Variants in SORBS2 observed in about 807,000 individuals in gnomAD.
SORBS2 encodes sorbin and SH3 domain-containing protein 2.
SORBS2 carries 46 observed loss-of-function variants against 97.7 expected under a neutral mutation model. The ratio of observed to expected loss-of-function variants is 0.47; its 90% CI spans 0.37 to 0.60. SORBS2 has a LOEUF of 0.60. SORBS2 is among the 20% of genes least tolerant of loss of function. SORBS2 has a pLI of 0.00. For synonymous variants in SORBS2, 476 were observed against 473.4 expected (o/e 1.01, Z -0.07); for missense variants, 1,316 against 1,282.3 (o/e 1.03, Z -0.40).
At chr4:185,732,742 G>A (rs2098651926) in intron 2 of SORBS2, among the ~76,000 whole-genome samples, 1 of 152,204 alleles carries the variant, frequency 6.6e-6, no homozygotes, top group African/African-American at 2.4e-5. Context: ...CCCCAAAAAG[G>A]TATGTTGAAG....
At chr4:185,927,061 A>G (rs1485473079) in intron 1 of SORBS2, among the ~76,000 whole-genome samples, 1 of 150,904 alleles carries the variant, frequency 6.6e-6, no homozygotes, top group African/African-American at 2.4e-5. Context: ...TATATGAAAT[A>G]TGATACCACA....
intron 1 of SORBS2, among the ~76,000 whole-genome samples, chr4:185,839,452 C>T (rs1471936181): frequency 6.6e-6 from 1 of 152,116 alleles, no homozygotes; most frequent in Non-Finnish European, 1.5e-5. Context: ...GGGGTCGGTC[C>T]AGTAGGAGGG....
At chr4:185,674,282 C>G (rs1378670456) in intron 4 of SORBS2, among the ~76,000 whole-genome samples, 1 of 152,228 alleles carries the variant, frequency 6.6e-6, no homozygotes, top group African/African-American at 2.4e-5. Flanking sequence ...GCGATGCTAT[C>G]TTCCAGTTGG....
chr4:185,666,341 G>A (rs73876138), intron 4 of SORBS2: 11,471 of 393,076 alleles, frequency 0.029, 199 homozygotes, highest in African/African-American at 0.034. Flanking sequence ...GATGGGTTAG[G>A]TGCCAACCAC....
At chr4:185,784,055 G>A (rs2099044074) in intron 1 of SORBS2, among the ~76,000 whole-genome samples, 1 of 152,184 alleles carries the variant, frequency 6.6e-6, no homozygotes, top group South Asian at 2.1e-4. Context: ...TGACCAATAA[G>A]CTAAAGGCAA....
intron 1 of SORBS2, among the ~76,000 whole-genome samples, chr4:185,809,580 C>T (rs148193298): frequency 1.9e-3 from 289 of 149,816 alleles, no homozygotes; most frequent in African/African-American, 7.0e-3. Flanking sequence ...TAGCCATAAG[C>T]GAAAGTGCAA....
At chr4:185,949,098 A>T (rs757648628) in intron 1 of SORBS2, among the ~76,000 whole-genome samples, 1 of 152,098 alleles carries the variant, frequency 6.6e-6, no homozygotes, top group African/African-American at 2.4e-5. Context: ...GGGGTTGGGG[A>T]GAGATGCTGT....
intron 1 of SORBS2, among the ~76,000 whole-genome samples, chr4:185,827,329 A>G (rs867693542): frequency 1.7e-3 from 18 of 10,530 alleles, no homozygotes; most frequent in Non-Finnish European, 2.1e-3. Context: ...CACCATCATC[A>G]TCATCATCAT....
At chr4:185,929,330 A>G (rs2099265287) in intron 1 of SORBS2, among the ~76,000 whole-genome samples, 1 of 152,178 alleles carries the variant, frequency 6.6e-6, no homozygotes, top group Non-Finnish European at 1.5e-5. Context: ...GTGTCAATCC[A>G]GTTCTGAGAA....
At chr4:185,716,361 G>T (rs938396181) in intron 2 of SORBS2, among the ~76,000 whole-genome samples, 2 of 152,152 alleles carry the variant, frequency 1.3e-5, no homozygotes, top group Non-Finnish European at 2.9e-5. Context: ...GGATAACAAC[G>T]GTGCCAACCT....
At chr4:185,743,902 C>T (rs2098743178) in intron 2 of SORBS2, among the ~76,000 whole-genome samples, 1 of 148,452 alleles carries the variant, frequency 6.7e-6, no homozygotes, top group South Asian at 2.2e-4. Flanking sequence ...TTCTTCTTCT[C>T]CTTCTCCTTC....
At chr4:185,819,156 CAG>C (rs1373485628) in intron 1 of SORBS2, among the ~76,000 whole-genome samples, 1 of 152,200 alleles carries the variant, frequency 6.6e-6, no homozygotes, top group Non-Finnish European at 1.5e-5. Context: ...TTACAAGAGA[CAG>C]AGCTATATTT....
chr4:185,742,582 C>G (rs2098734105), intron 2 of SORBS2, among the ~76,000 whole-genome samples: 1 of 152,176 alleles, frequency 6.6e-6, no homozygotes, highest in Admixed American at 6.5e-5. Context: ...ATAAGATATC[C>G]CCCTAAACTA....
chr4:185,625,688 A>C (rs1343691936), intron 6 of SORBS2, among the ~76,000 whole-genome samples: 1 of 152,238 alleles, frequency 6.6e-6, no homozygotes, highest in Non-Finnish European at 1.5e-5. Context: ...CTGATAAGGC[A>C]TCTCTGCTCC....
chr4:185,680,134 G>A (rs774835242), intron 2 of SORBS2, among the ~76,000 whole-genome samples: 2 of 152,172 alleles, frequency 1.3e-5, no homozygotes, highest in Non-Finnish European at 2.9e-5. Flanking sequence ...TGCATGAAAT[G>A]TTTATTGGAC....
At chr4:185,694,332 C>T (rs1368801815) in intron 2 of SORBS2, among the ~76,000 whole-genome samples, 1 of 152,204 alleles carries the variant, frequency 6.6e-6, no homozygotes, top group Non-Finnish European at 1.5e-5. Flanking sequence ...ATTCTCTTAA[C>T]TTGGAATTGA....
intron 4 of SORBS2, chr4:185,646,131 A>C (rs2097202838): frequency 6.6e-6 from 1 of 152,224 alleles, no homozygotes; most frequent in African/African-American, 2.4e-5. Context: ...GGCATTTGGA[A>C]AATTCTCCCT....
chr4:185,793,113 T>A (rs1187927894), intron 1 of SORBS2, among the ~76,000 whole-genome samples: 11 of 152,266 alleles, frequency 7.2e-5, no homozygotes, highest in African/African-American at 2.7e-4. Flanking sequence ...CTTTCTTAAC[T>A]AACCCTGCAG....
At chr4:185,705,225 T>G (rs2098326282) in intron 2 of SORBS2, among the ~76,000 whole-genome samples, 1 of 152,256 alleles carries the variant, frequency 6.6e-6, no homozygotes, top group Non-Finnish European at 1.5e-5. Flanking sequence ...ATATCACTTT[T>G]GTCCAGATTT....
Sources: allele counts gnomAD v4.1 joint callset (sites outside exome capture counted in the v4.1 genomes callset), GRCh38; gene constraint gnomAD v4.1.1; transcripts MANE v1.5; gene names NCBI Gene and HGNC (gene_info 2026-07-23, HGNC 2026-07-21).